Variants in NUP58 observed in about 807,000 individuals in gnomAD.
NUP58 encodes the protein nucleoporin p58/p45.
A neutral mutation model predicts 70.1 loss-of-function variants in NUP58; 17 were observed. The ratio of observed to expected loss-of-function variants is 0.24; its 90% CI spans 0.17 to 0.36. NUP58 has a LOEUF of 0.36. Among genes scored for constraint, NUP58 ranks in the 10% least tolerant of loss-of-function variants. The pLI is 1.00. For synonymous variants in NUP58, 275 were observed against 257.6 expected, an observed-to-expected ratio of 1.07 and a Z score of -0.65; for missense variants, 644 against 701.5, an observed-to-expected ratio of 0.92 and a Z score of 0.93.
Position 25,338,688 on chromosome 13 carries a change from T to C in NUP58, c.1587T>C (p.Phe529=), listed in dbSNP as rs1181372727. 6.2e-7 allele frequency: 1 copy of C among 1,613,714 alleles called. No individual in the cohort carries two copies. The highest frequency in any genetic ancestry group is 8.5e-7 in the Non-Finnish European group (1 of 1,179,804). The part of the protein sequence containing the change: ...FGCSTTGAST[F]GFGTTNKPSG... ...GCAGCACCACAGGGGCCTCCACATT[T>C]GGATTTGGAACAACAAATAAACCCT... Residue 529 remains phenylalanine (F), a synonymous_variant, in exon 15 of 16, where the codon TTT becomes TTC. Transcript: ENST00000381736.
intron 14 of NUP58, among the ~76,000 whole-genome samples, chr13:25,337,712 A>T (rs1166002276): frequency 6.6e-6 from 1 of 152,172 alleles, no homozygotes; most frequent in African/African-American, 2.4e-5. Context: ...CTAAAATATA[A>T]GACGGGAGAC....
At chr13:25,333,947 A>C (rs951253228) in intron 13 of NUP58, 3 of 985,282 alleles carry the variant, frequency 3.0e-6, no homozygotes, top group Non-Finnish European at 2.4e-6. Flanking sequence ...GCACAGAGCA[A>C]ATAGCTTCTT....
At chr13:25,304,990 A>G (rs1461641851) in intron 1 of NUP58, among the ~76,000 whole-genome samples, 1 of 152,206 alleles carries the variant, frequency 6.6e-6, no homozygotes, top group Non-Finnish European at 1.5e-5. Context: ...TTGTCTGGAT[A>G]TAGCCATTAC....
intron 11 of NUP58, 25 bp from the exon 12 acceptor site, chr13:25,327,405 G>T (rs1566067182): frequency 7.0e-7 from 1 of 1,423,054 alleles, no homozygotes; most frequent in South Asian, 1.2e-5. Context: ...ATATATTTGG[G>T]TGATAATGTA....
chr13:25,335,266 A>G, intron 13 of NUP58: 1 of 985,310 alleles, frequency 1.0e-6, no homozygotes, highest in Non-Finnish European at 1.2e-6. Flanking sequence ...GAAAAATCTT[A>G]TGTTCTGTTG....
At chr13:25,343,111 C>T (rs2031997949), downstream of NUP58, among the ~76,000 whole-genome samples, 2 of 151,888 alleles carry the variant, frequency 1.3e-5, no homozygotes, top group African/African-American at 4.8e-5. Context: ...GATTTTGGTA[C>T]ACCCATCACC....
intron 14 of NUP58, among the ~76,000 whole-genome samples, chr13:25,338,109 T>TA (rs2031847741): frequency 6.6e-6 from 1 of 152,310 alleles, no homozygotes; most frequent in African/African-American, 2.4e-5. Flanking sequence ...AATCTACTGT[T>TA]ACTGAGTAGA....
downstream of NUP58, among the ~76,000 whole-genome samples, chr13:25,345,138 T>C (rs1261454905): frequency 6.6e-6 from 1 of 152,216 alleles, no homozygotes; most frequent in Non-Finnish European, 1.5e-5. Flanking sequence ...AGTCTGAATA[T>C]TACTGTGTAA....
At chr13:25,306,860 C>T (rs2030387605) in intron 1 of NUP58, among the ~76,000 whole-genome samples, 1 of 151,982 alleles carries the variant, frequency 6.6e-6, no homozygotes, top group Non-Finnish European at 1.5e-5. Context: ...TTAAGCTTTG[C>T]ACTGTGCTCT....
At chr13:25,308,254 A>G (rs187089412) in intron 2 of NUP58, 23 of 208,992 alleles carry the variant, frequency 1.1e-4, no homozygotes, top group Middle Eastern at 1.8e-3. Flanking sequence ...AATTTGGAAC[A>G]TTAACATACG....
chr13:25,334,978 CT>C, intron 13 of NUP58: 1 of 985,108 alleles, frequency 1.0e-6, no homozygotes, highest in Non-Finnish European at 1.2e-6. Flanking sequence ...GTTTACGTAA[CT>C]TTTGCCTGAA....
intron 1 of NUP58, among the ~76,000 whole-genome samples, chr13:25,307,501 A>G (rs955730488): frequency 6.6e-6 from 1 of 152,144 alleles, no homozygotes; most frequent in Admixed American, 6.5e-5. Flanking sequence ...GGCATGAGCC[A>G]CCACACCCAG....
chr13:25,331,468 A>T lies in NUP58; in HGVS notation c.1345A>T (p.Thr449Ser). The T allele has an allele frequency of 6.2e-7, 1 of 1,614,196 alleles. No individual in the cohort carries two copies. The highest frequency in any genetic ancestry group is 8.5e-7 in the Non-Finnish European group (1 of 1,180,028). ...GAAGTGGCAGAACACACCCAGAGTT[A>T]CTACTGGACCCACTCCTTTCAGCAC... The part of the protein sequence containing the change: ...AKKWQNTPRV[T>S]TGPTPFSTMP... The change falls in exon 13 of 16, where the codon ACT becomes TCT. Residue 449 changes from threonine (T) to serine (S), a missense_variant. By Grantham distance (58) the Thr-to-Ser change is moderately conservative. Coordinates refer to ENST00000381736, the MANE Select transcript of NUP58 (RefSeq NM_014089.4).
At chr13:25,339,313 CAT>C (rs2031885703) in intron 15 of NUP58, among the ~76,000 whole-genome samples, 1 of 152,022 alleles carries the variant, frequency 6.6e-6, no homozygotes, top group African/African-American at 2.4e-5. Flanking sequence ...AATGTAATGA[CAT>C]AATACTGTGA....
At position 25,326,906 on chromosome 13, in the gene NUP58, T is replaced by G; in HGVS notation, c.1032-10T>G. On this transcript the variant is annotated splice_polypyrimidine_tract_variant and intron_variant, in intron 10 of 15. Transcript: ENST00000381736. Reference sequence around the variant, plus strand: ...AATATTTGATCTGACTTTTTAAATGTTTTTTAAAGCTACTTCAGAATCTTG... The same window carrying G: ...AATATTTGATCTGACTTTTTAAATGGTTTTTAAAGCTACTTCAGAATCTTG... 1.3e-6 allele frequency: 2 copies of G among 1,491,026 alleles called. No homozygotes were observed. Among genetic ancestry groups the G allele is most frequent in the Non-Finnish European group, 9.2e-7 (1 of 1,089,576 alleles). The allele number at this position is 1,491,026 out of a possible 1,614,324, so 92.4% of individuals were successfully genotyped here. A position where few individuals can be genotyped will look rare whatever the true frequency, so the allele number is the denominator to read the frequency against.
chr13:25,327,003 T>C lies in NUP58; in HGVS notation c.1119T>C (p.Thr373=). The change falls in exon 11 of 16, where the codon ACT becomes ACC. Residue 373 remains threonine, a synonymous_variant. Transcript: ENST00000381736. Reference sequence around the variant, plus strand: ...AAGAACTAGAAAACCATCTTGCCACTCAAGCAAATAATTCACATATAACCC... The same window carrying C: ...AAGAACTAGAAAACCATCTTGCCACCCAAGCAAATAATTCACATATAACCC... ...QIEELENHLA[T]QANNSHITPQ... is the part of the protein sequence containing the mutation. 6.2e-7 allele frequency: 1 copy of C among 1,603,408 alleles called. No individual in the cohort carries two copies. The highest frequency in any genetic ancestry group is 8.5e-7 in the Non-Finnish European group (1 of 1,173,574).
At chr13:25,336,888 G>A (rs1344047857) in intron 13 of NUP58, 48 bp from the exon 14 acceptor site, 1 of 1,181,862 alleles carries the variant, frequency 8.5e-7, no homozygotes, top group Non-Finnish European at 1.2e-6. Flanking sequence ...AAAGAGTAAG[G>A]CAAATTTGTT....
intron 14 of NUP58, among the ~76,000 whole-genome samples, chr13:25,337,309 G>T (rs933054992): frequency 2.0e-5 from 3 of 152,084 alleles, no homozygotes; most frequent in African/African-American, 7.2e-5. Context: ...ATGAACTTGA[G>T]AATTCTTTAG....
chr13:25,313,691 G>T lies in NUP58; in HGVS notation c.514G>T (p.Gly172Trp). Reference sequence around the variant, plus strand: ...AACTGCATCAACAGGCCTCTCTTTAGGGGGAGCCTTAGCTGGTTTGGGAGG... The same window carrying T: ...AACTGCATCAACAGGCCTCTCTTTATGGGGAGCCTTAGCTGGTTTGGGAGG... Reference protein sequence around the residue: ...TTTASTGLSLGGALAGLGGSL... With the variant: ...TTTASTGLSLWGALAGLGGSL... The change falls in exon 5 of 16, where the codon GGG becomes TGG. Residue 172 changes from glycine (G) to tryptophan (W), a missense_variant. Around this residue, in one of 4 missense-constraint regions of NUP58, gnomAD observed 430 missense variants for 409.2 expected, o/e 1.05. Coordinates refer to ENST00000381736, the MANE Select transcript of NUP58 (RefSeq NM_014089.4). 5 of 1,531,882 alleles carry T rather than the reference G, an allele frequency of 3.3e-6. No homozygotes were observed. Among genetic ancestry groups the T allele is most frequent in the Non-Finnish European group, 3.5e-6 (4 of 1,152,568 alleles). 94.9% of individuals were successfully genotyped at this position (1,531,882 alleles called of 1,614,324 possible).
Sources: gnomAD v4.1 joint callset for allele counts (sites outside exome capture counted in the v4.1 genomes callset) on GRCh38, gnomAD v4.1.1 for gene constraint, gnomAD v4.1.1 regional missense constraint, MANE v1.5 for transcripts, NCBI Gene and HGNC (gene_info 2026-07-23, HGNC 2026-07-21) for gene names.